KAT6B: variants seen among roughly 807,000 people sequenced by gnomAD.
KAT6B encodes the protein lysine acetyltransferase 6B, also known as histone acetyltransferase KAT6B.
In KAT6B, 10 loss-of-function variants were observed where a neutral mutation model predicts 187.5. The observed-to-expected ratio is 0.05, with a 90% confidence interval of 0.03 to 0.09. The LOEUF (loss-of-function observed/expected upper bound fraction) is 0.09. Ranked by LOEUF, KAT6B falls within the 10% of genes least tolerant of loss-of-function variation. The probability of loss-of-function intolerance (pLI) is 1.00; values close to 1 mark genes in which losing one functional copy is unlikely to be tolerated. For synonymous variants in KAT6B, 861 were observed against 926.8 expected, an observed-to-expected ratio of 0.93 and a Z score of 1.29; for missense variants, 1,952 against 2,558.9, an observed-to-expected ratio of 0.76 and a Z score of 5.12.
intron 17 of KAT6B, chr10:75,025,906 T>A (rs943899026): frequency 6.5e-6 from 1 of 152,878 alleles, no homozygotes; most frequent in Non-Finnish European, 1.5e-5. Flanking sequence ...GCACCTGTAG[T>A]CTCAGCACTT....
Position 75,028,553 on chromosome 10 carries a change from G to A in KAT6B, c.3729G>A (p.Lys1243=). 2 of 1,614,142 alleles carry A rather than the reference G, an allele frequency of 1.2e-6. No homozygotes were observed. The highest frequency in any genetic ancestry group is 8.5e-7 in the Non-Finnish European group (1 of 1,180,046). ...EGSKDNPEPL[K]CKQVWPKGTK... Reference sequence around the variant, plus strand: ...GTAAAGACAATCCCGAACCTCTAAAGTGCAAACAAGTGTGGCCAAAAGGAA... The same window carrying A: ...GTAAAGACAATCCCGAACCTCTAAAATGCAAACAAGTGTGGCCAAAAGGAA... Residue 1243 remains lysine, a synonymous_variant, in exon 18 of 18, where the codon AAG becomes AAA. Coordinates refer to ENST00000287239, the MANE Select transcript of KAT6B (RefSeq NM_012330.4).
chr10:74,882,088 G>A (rs1466774112), intron 3 of KAT6B, among the ~76,000 whole-genome samples: 1 of 152,192 alleles, frequency 6.6e-6, no homozygotes, highest in Non-Finnish European at 1.5e-5. Flanking sequence ...ACCTGAGGTG[G>A]ATGTGTCTGC....
rs56300641 is a variant in KAT6B, at chr10:74,990,196, CAAAAAAAAAAAAAA to C, written c.2629+1104_2629+1117del. ...GGTGACAGAGTGAGAGACTCTGTCTCAAAAAAAAAAAAAAAAAAAAAAAAAAAAAAAAAGTCTGT... is the reference window on the plus strand; with the variant it reads ...GGTGACAGAGTGAGAGACTCTGTCTCAAAAAAAAAAAAAAAAAAAGTCTGT... On this transcript the variant is annotated intron_variant, in intron 13 of 17. Transcript: ENST00000287239. Among the ~76,000 whole-genome samples, 51 of 39,412 alleles carry C rather than the reference CAAAAAAAAAAAAAA, an allele frequency of 1.3e-3. 1 individual carries two copies. The highest frequency in any genetic ancestry group is 2.2e-3 in the African/African-American group (38 of 17,654). The allele number at this position is 39,412 out of a possible 152,430, so 25.9% of individuals were successfully genotyped here. A position where few individuals can be genotyped will look rare whatever the true frequency, so the allele number is the denominator to read the frequency against.
chr10:74,943,924 G>A (rs1849888497), intron 3 of KAT6B, among the ~76,000 whole-genome samples: 1 of 152,186 alleles, frequency 6.6e-6, no homozygotes, highest in African/African-American at 2.4e-5. Context: ...CCTGTATCCA[G>A]TATATGTAAG....
chr10:74,871,368 T>G (rs1303381721), intron 3 of KAT6B, among the ~76,000 whole-genome samples: 1 of 151,672 alleles, frequency 6.6e-6, no homozygotes, highest in Non-Finnish European at 1.5e-5. Flanking sequence ...GATTTTTGTA[T>G]TTTTAGTAGA....
At chr10:74,829,032 AAGAG>A (rs1248421440) in intron 1 of KAT6B, among the ~76,000 whole-genome samples, 1 of 151,926 alleles carries the variant, frequency 6.6e-6, no homozygotes, top group African/African-American at 2.4e-5. Flanking sequence ...AAGAAAAGAA[AAGAG>A]AGAGACAGAG....
intron 4 of KAT6B, 71 bp from the exon 5 acceptor site, chr10:74,969,589 A>G (rs765732026): frequency 2.4e-6 from 2 of 850,166 alleles, no homozygotes; most frequent in Non-Finnish European, 4.0e-6. Flanking sequence ...TCTATTAAAT[A>G]TTAGGGAATG....
intron 3 of KAT6B, among the ~76,000 whole-genome samples, chr10:74,882,515 G>T (rs894743698): frequency 2.0e-5 from 3 of 152,168 alleles, no homozygotes; most frequent in African/African-American, 7.2e-5. Flanking sequence ...TCTATAATAA[G>T]TTGTTTCACC....
Position 74,843,155 on chromosome 10 carries a change from A to C in KAT6B, c.298A>C (p.Asn100His). 6.2e-7 allele frequency: 1 copy of C among 1,614,076 alleles called. No homozygotes were observed. Among genetic ancestry groups the C allele is most frequent in the Middle Eastern group, 1.6e-4 (1 of 6,062 alleles). ...KSAKGSRGSC[N>H]DLRNVDWNKL... ...AGCCAAGGGGTCTAGAGGATCATGT[A>C]ATGATCTCCGCAATGTGGATTGGAA... Residue 100 changes from asparagine (N) to histidine (H), a missense_variant, in exon 3 of 18, where the codon AAT becomes CAT. Physicochemically the swap from Asn to His is moderately conservative, Grantham distance 68. This residue lies in a region of KAT6B where 218 missense variants were observed against 282.6 expected (regional missense o/e 0.77). Transcript: ENST00000287239.
intron 3 of KAT6B, among the ~76,000 whole-genome samples, chr10:74,930,073 C>T (rs1848766235): frequency 6.6e-6 from 1 of 151,946 alleles, no homozygotes; most frequent in Non-Finnish European, 1.5e-5. Flanking sequence ...GCACCTGCCG[C>T]CATACCTGGC....
chr10:74,973,645 TAAG>T (rs962157496), intron 7 of KAT6B, among the ~76,000 whole-genome samples: 7 of 152,182 alleles, frequency 4.6e-5, no homozygotes, highest in African/African-American at 1.4e-4. Context: ...CTTTATCTCC[TAAG>T]AAGAAGTAAG....
intron 3 of KAT6B, among the ~76,000 whole-genome samples, chr10:74,904,757 GAT>G (rs768062432): frequency 1.6e-4 from 24 of 152,100 alleles, no homozygotes; most frequent in Non-Finnish European, 2.8e-4. Context: ...AGTATGTATT[GAT>G]TTTTAAAATT....
chr10:74,834,706 G>A (rs983367693), intron 1 of KAT6B, among the ~76,000 whole-genome samples: 15 of 151,142 alleles, frequency 9.9e-5, no homozygotes, highest in Non-Finnish European at 1.2e-4. Context: ...TTTTTGTAGA[G>A]GTAGGGTCTT....
At chr10:74,851,178 G>A (rs1346479833) in intron 3 of KAT6B, among the ~76,000 whole-genome samples, 1 of 151,938 alleles carries the variant, frequency 6.6e-6, no homozygotes. Context: ...CGCAATCTCG[G>A]CTCACTGCAG....
At chr10:74,892,469 T>G (rs141318835) in intron 3 of KAT6B, among the ~76,000 whole-genome samples, 2 of 152,318 alleles carry the variant, frequency 1.3e-5, no homozygotes, top group East Asian at 3.9e-4. Flanking sequence ...TTACTATAGG[T>G]GGACTTAGCC....
intron 3 of KAT6B, among the ~76,000 whole-genome samples, chr10:74,944,715 A>G (rs989084303): frequency 1.4e-5 from 2 of 145,218 alleles, no homozygotes; most frequent in Non-Finnish European, 3.0e-5. Flanking sequence ...AAGCTGAGGC[A>G]GGAGAATGGC....
In KAT6B at chr10:75,029,723, A is replaced by G; in HGVS notation, c.4899A>G (p.Gln1633=). The change falls in exon 18 of 18, where the codon CAA becomes CAG. Residue 1633 remains glutamine (Q), a synonymous_variant. Coordinates refer to ENST00000287239, the MANE Select transcript of KAT6B (RefSeq NM_012330.4). This position sits in a 1 kb window ranked among gnomAD's most constrained non-coding sequence, Gnocchi z 6.2. ...ENSYAQISPD[Q]SAISVPSLQN... ...GCTACGCCCAAATCAGCCCAGATCA[A>G]AGTGCCATCTCAGTGCCATCTCTGC... is the stretch of plus-strand genomic sequence containing the variant. 2 of 1,614,206 alleles carry G rather than the reference A, an allele frequency of 1.2e-6. No individual in the cohort carries two copies. Among genetic ancestry groups the G allele is most frequent in the Non-Finnish European group, 1.7e-6 (2 of 1,180,036 alleles).
Position 74,979,229 on chromosome 10 carries a change from A to G in KAT6B, c.2121A>G (p.Ile707Met), listed in dbSNP as rs1289059410. ...KQAQELSWEKIECESGVEDCG... is the reference protein window; with the variant it reads ...KQAQELSWEKMECESGVEDCG... ...CTTTTCTTTCTATTTGACAGAAAAT[A>G]GAGTGTGAGAGTGGGGTGGAAGACT... Residue 707 changes from isoleucine (I) to methionine (M), a missense_variant, in exon 10 of 18, where the codon ATA becomes ATG. Ile to Met is a conservative substitution (Grantham distance 10). Transcript: ENST00000287239. 1 of 1,608,078 alleles carries G rather than the reference A, an allele frequency of 6.2e-7. No individual in the cohort carries two copies. The highest frequency in any genetic ancestry group is 1.1e-5 in the South Asian group (1 of 90,932).
intron 3 of KAT6B, among the ~76,000 whole-genome samples, chr10:74,848,372 G>GCACA (rs1842254886): frequency 1.3e-5 from 2 of 152,070 alleles, no homozygotes; most frequent in African/African-American, 4.8e-5. Flanking sequence ...CGGCGTGGTG[G>GCACA]CACACGCCTA....
Sources: gnomAD v4.1 joint callset for allele counts (sites outside exome capture counted in the v4.1 genomes callset) on GRCh38, gnomAD v4.1.1 for gene constraint, gnomAD v4.1.1 regional missense constraint, Gnocchi (gnomAD v3.1) non-coding constraint, MANE v1.5 for transcripts, NCBI Gene and HGNC (gene_info 2026-07-23, HGNC 2026-07-21) for gene names.